Variants in PRDM16 observed in about 807,000 individuals in gnomAD.
PRDM16 encodes the protein histone-lysine N-methyltransferase PRDM16.
Under a neutral mutation model 110.6 loss-of-function variants are expected in PRDM16, and 23 were observed. That is an observed-to-expected ratio of 0.21 (90% CI 0.15 to 0.29). PRDM16 has a LOEUF of 0.29. Among genes scored for constraint, PRDM16 ranks in the 10% least tolerant of loss-of-function variants. The pLI, the probability that PRDM16 is intolerant of heterozygous loss-of-function variation, is 1.00. For missense variants in PRDM16, 1,615 were observed against 1,794.3 expected (o/e 0.90, Z 1.81); for synonymous variants, 799 against 781.8 (o/e 1.02, Z -0.37).
chr1:3,171,193 C>T (rs897881662), intron 1 of PRDM16, among the ~76,000 whole-genome samples: 2 of 152,174 alleles, frequency 1.3e-5, no homozygotes, highest in African/African-American at 2.4e-5. Context: ...GGCCTGTGCA[C>T]GGCAGCCACA....
intron 2 of PRDM16, among the ~76,000 whole-genome samples, chr1:3,220,802 G>T (rs190999972): frequency 1.2e-4 from 18 of 152,290 alleles, no homozygotes; most frequent in African/African-American, 3.1e-4. Flanking sequence ...TCCTCCAAGG[G>T]TGCTGCTACA....
intron 1 of PRDM16, among the ~76,000 whole-genome samples, chr1:3,113,170 G>C (rs1313004477): frequency 6.6e-6 from 1 of 152,230 alleles, no homozygotes; most frequent in Non-Finnish European, 1.5e-5. Flanking sequence ...ACTCCACGGA[G>C]GGGGCTGGAC....
At chr1:3,302,426 T>C (rs1306226544) in intron 3 of PRDM16, among the ~76,000 whole-genome samples, 2 of 152,220 alleles carry the variant, frequency 1.3e-5, no homozygotes, top group East Asian at 1.9e-4. Flanking sequence ...AAGCACCTGC[T>C]GTTAGAAGAA....
intron 3 of PRDM16, among the ~76,000 whole-genome samples, chr1:3,317,966 C>A (rs540904510): frequency 1.3e-5 from 2 of 152,292 alleles, no homozygotes; most frequent in East Asian, 1.9e-4. Context: ...TTGCTGCTAG[C>A]GCTAATTTGA....
chr1:3,146,651 G>A (rs1320640057), intron 1 of PRDM16, among the ~76,000 whole-genome samples: 4 of 147,402 alleles, frequency 2.7e-5, no homozygotes, highest in Admixed American at 6.8e-5. Context: ...GGGTGTGTGT[G>A]TGCACGTGTG....
chr1:3,321,203 C>G (rs959781008), intron 3 of PRDM16, among the ~76,000 whole-genome samples: 1 of 151,998 alleles, frequency 6.6e-6, no homozygotes, highest in African/African-American at 2.4e-5. Flanking sequence ...AACTTAACCC[C>G]GGGTGGGCTG....
intron 1 of PRDM16, among the ~76,000 whole-genome samples, chr1:3,114,219 A>G (rs1380160951): frequency 9.5e-6 from 1 of 105,598 alleles, no homozygotes; most frequent in Non-Finnish European, 1.7e-5. Context: ...ACGCACACGA[A>G]CACACACGCA....
At chr1:3,153,348 G>T (rs1370012007) in intron 1 of PRDM16, among the ~76,000 whole-genome samples, 2 of 152,248 alleles carry the variant, frequency 1.3e-5, no homozygotes, top group African/African-American at 2.4e-5. Flanking sequence ...GTGTGTGCTT[G>T]TGTGTGTCTA....
chr1:3,321,145 A>T (rs1245158362), intron 3 of PRDM16, among the ~76,000 whole-genome samples: 1 of 152,208 alleles, frequency 6.6e-6, no homozygotes, highest in Non-Finnish European at 1.5e-5. Context: ...GGATCGGAGA[A>T]GTTGGGAGAG....
intron 3 of PRDM16, among the ~76,000 whole-genome samples, chr1:3,323,878 C>A (rs527564873): frequency 1.2e-4 from 19 of 152,340 alleles, no homozygotes; most frequent in African/African-American, 4.6e-4. Flanking sequence ...CCCAGGGGCT[C>A]CCCCGGCTCT....
rs920793350 is a variant in PRDM16, at chr1:3,359,407, C to T, written c.439-25745C>T. 1.3e-5 allele frequency among the ~76,000 whole-genome samples: 2 copies of T among 152,266 alleles called. No homozygotes were observed. Among genetic ancestry groups the T allele is most frequent in the South Asian group, 2.1e-4 (1 of 4,818 alleles). On this transcript the variant is annotated intron_variant, in intron 3 of 16. Coordinates refer to ENST00000270722, the MANE Select transcript of PRDM16 (RefSeq NM_022114.4). The surrounding 1 kb of genome is among the most constrained non-coding windows in gnomAD (Gnocchi z 4.3). Reference sequence around the variant, plus strand: ...GGCCTGAGGCAGAGCTTCCAGAGACCCTGCACATGGAACACATTGGAAGCC... The same window carrying T: ...GGCCTGAGGCAGAGCTTCCAGAGACTCTGCACATGGAACACATTGGAAGCC...
At chr1:3,126,290 G>T (rs1643205497) in intron 1 of PRDM16, among the ~76,000 whole-genome samples, 2 of 152,284 alleles carry the variant, frequency 1.3e-5, no homozygotes, top group South Asian at 4.1e-4. Flanking sequence ...GTGTCGGCCA[G>T]TCTGGCCCCA....
chr1:3,251,048 CAGT>C (rs1477655367), intron 3 of PRDM16, among the ~76,000 whole-genome samples: 3 of 152,160 alleles, frequency 2.0e-5, no homozygotes, highest in African/African-American at 7.2e-5. Context: ...ACTTAAATTC[CAGT>C]AGGAGACGAA....
intron 8 of PRDM16, among the ~76,000 whole-genome samples, chr1:3,406,964 A>G (rs1403103113): frequency 6.6e-6 from 1 of 152,180 alleles, no homozygotes; most frequent in African/African-American, 2.4e-5. Flanking sequence ...CAGTTGTCAT[A>G]GGAGGAAAGG....
In PRDM16 at chr1:3,080,013, A is replaced by G. The variant is rs1641987039; in HGVS notation, c.37+10717A>G. Among the ~76,000 whole-genome samples the G allele has an allele frequency of 6.6e-6, 1 of 152,232 alleles. No individual in the cohort carries two copies. Among genetic ancestry groups the G allele is most frequent in the Admixed American group, 6.5e-5 (1 of 15,280 alleles). On this transcript the variant is annotated intron_variant, in intron 1 of 16. Transcript: ENST00000270722. This position sits in a 1 kb window ranked among gnomAD's most constrained non-coding sequence, Gnocchi z 5.2. ...CCCACCCGGCCCAAAGCTGTTCTGCAGCTGGTCACTGTGGGAGAAGAGACT... is the reference window on the plus strand; with the variant it reads ...CCCACCCGGCCCAAAGCTGTTCTGCGGCTGGTCACTGTGGGAGAAGAGACT...
chr1:3,322,382 C>G (rs1260787355), intron 3 of PRDM16, among the ~76,000 whole-genome samples: 1 of 152,182 alleles, frequency 6.6e-6, no homozygotes, highest in African/African-American at 2.4e-5. Context: ...AAATCTCACG[C>G]TCCTTGTAAA....
Position 3,357,686 on chromosome 1 carries a change from C to T in PRDM16, c.439-27466C>T, listed in dbSNP as rs994884814. ...AGTCGTCTACGCCCATGGCCGCGAG[C>T]GCCTCTGCCTCCGGAGCAGTGGCCT... On this transcript the variant is annotated intron_variant, in intron 3 of 16. Coordinates refer to ENST00000270722, the MANE Select transcript of PRDM16 (RefSeq NM_022114.4). Among the ~76,000 whole-genome samples the T allele has an allele frequency of 3.3e-5, 5 of 152,364 alleles. No homozygotes were observed. The East Asian group carries it at 5.8e-4, about 18-fold the overall frequency.
In PRDM16 at chr1:3,244,221, G is replaced by A; in HGVS notation, c.438+84G>A. On this transcript the variant is annotated intron_variant, in intron 3 of 16. Coordinates refer to ENST00000270722, the MANE Select transcript of PRDM16 (RefSeq NM_022114.4). The surrounding 1 kb of genome is among the most constrained non-coding windows in gnomAD (Gnocchi z 4.1). ...GGCGACCGCCATCCCAGCTGTCCCT[G>A]AGCTAACAAGCGTGTAGTCGGAATG... is the stretch of plus-strand genomic sequence containing the variant. The A allele has an allele frequency of 7.9e-7, 1 of 1,271,334 alleles. No homozygotes were observed. Among genetic ancestry groups the A allele is most frequent in the Non-Finnish European group, 1.1e-6 (1 of 875,764 alleles). The allele number at this position is 1,271,334 out of a possible 1,614,324, so 78.8% of individuals were successfully genotyped here.
At chr1:3,096,547 C>T (rs930924376) in intron 1 of PRDM16, among the ~76,000 whole-genome samples, 3 of 152,202 alleles carry the variant, frequency 2.0e-5, no homozygotes, top group African/African-American at 7.2e-5. Context: ...TTCCCCTCTG[C>T]ACCTGCCTCT....
Sources: allele counts gnomAD v4.1 joint callset (sites outside exome capture counted in the v4.1 genomes callset), GRCh38; gene constraint gnomAD v4.1.1; non-coding constraint Gnocchi (gnomAD v3.1); transcripts MANE v1.5; gene names NCBI Gene and HGNC (gene_info 2026-07-23, HGNC 2026-07-21).